Variants in GALNT13 observed in about 807,000 individuals in gnomAD.
GALNT13 encodes polypeptide N-acetylgalactosaminyltransferase 13, also known as UDP-GalNAc:polypeptide N-acetylgalactosaminyltransferase 13.
GALNT13 carries 28 observed loss-of-function variants against 64.2 expected under a neutral mutation model. The ratio of observed to expected loss-of-function variants is 0.44; its 90% CI spans 0.32 to 0.60. The LOEUF (loss-of-function observed/expected upper bound fraction) is 0.60. Among genes scored for constraint, GALNT13 ranks in the 20% least tolerant of loss-of-function variants. The pLI is 0.05. For synonymous variants in GALNT13, 214 were observed against 224.6 expected, an observed-to-expected ratio of 0.95 and a Z score of 0.42; for missense variants, 577 against 669.8, an observed-to-expected ratio of 0.86 and a Z score of 1.53.
chr2:153,274,517 C>A, the GALNT13 span, among the ~76,000 whole-genome samples: 1 of 152,166 alleles, frequency 6.6e-6, no homozygotes, highest in Non-Finnish European at 1.5e-5. Context: ...AGGAATATGG[C>A]TGAAAAGAGT....
intron 3 of GALNT13, among the ~76,000 whole-genome samples, chr2:153,994,686 G>C (rs7587885): frequency 0.71 from 108,275 of 151,996 alleles, 38,890 homozygotes; most frequent in East Asian, 0.96. Flanking sequence ...AGCATTTTTT[G>C]ATGTGTCTGT....
At chr2:153,691,912 A>C in the GALNT13 span, among the ~76,000 whole-genome samples, 1 of 152,146 alleles carries the variant, frequency 6.6e-6, no homozygotes, top group Non-Finnish European at 1.5e-5. Flanking sequence ...ATATTCTTAA[A>C]AAAACATGGA....
At chr2:154,186,009 G>A (rs1325545644) in intron 4 of GALNT13, among the ~76,000 whole-genome samples, 2 of 151,962 alleles carry the variant, frequency 1.3e-5, no homozygotes, top group Non-Finnish European at 2.9e-5. Flanking sequence ...CTAGTTGGTA[G>A]TTTTATGTCA....
intron 3 of GALNT13, among the ~76,000 whole-genome samples, chr2:154,027,107 T>C (rs1698022274): frequency 6.6e-6 from 1 of 152,174 alleles, no homozygotes; most frequent in Non-Finnish European, 1.5e-5. Context: ...ATATGTAGAA[T>C]ATCATATTCT....
At chr2:153,812,501 T>C in the GALNT13 span, among the ~76,000 whole-genome samples, 1 of 152,270 alleles carries the variant, frequency 6.6e-6, no homozygotes. Flanking sequence ...CACTTACTAT[T>C]AAAAATATTT....
chr2:154,403,176 A>G (rs1309106831), intron 10 of GALNT13, among the ~76,000 whole-genome samples: 1 of 152,134 alleles, frequency 6.6e-6, no homozygotes, highest in Non-Finnish European at 1.5e-5. Flanking sequence ...ATTTTAGGCC[A>G]GGCATGGTGG....
chr2:153,325,091 G>A, the GALNT13 span, among the ~76,000 whole-genome samples: 4 of 142,924 alleles, frequency 2.8e-5, no homozygotes, highest in African/African-American at 1.0e-4. Flanking sequence ...GCAGAATTTG[G>A]CTGTGAATCC....
chr2:153,807,432 A>G, the GALNT13 span, among the ~76,000 whole-genome samples: 1 of 151,958 alleles, frequency 6.6e-6, no homozygotes, highest in African/African-American at 2.4e-5. Flanking sequence ...TTGAATGGCC[A>G]TATGATATTT....
chr2:153,077,345 C>G, the GALNT13 span, among the ~76,000 whole-genome samples: 4 of 152,054 alleles, frequency 2.6e-5, no homozygotes, highest in Non-Finnish European at 5.9e-5. Flanking sequence ...AAAGAAAAAT[C>G]TGAGTCACAA....
At chr2:153,181,026 G>GTTTTTTTTTTTTT in the GALNT13 span, among the ~76,000 whole-genome samples, 2 of 24,764 alleles carry the variant, frequency 8.1e-5, no homozygotes, top group Non-Finnish European at 1.6e-4. Context: ...GGTTTTTATT[G>GTTTTTTTTTTTTT]TTTCTTTTTT....
At chr2:153,091,975 A>C in the GALNT13 span, among the ~76,000 whole-genome samples, 1 of 152,158 alleles carries the variant, frequency 6.6e-6, no homozygotes, top group Non-Finnish European at 1.5e-5. Flanking sequence ...TATAGTTAGC[A>C]GTCTTAGATT....
Position 154,132,432 on chromosome 2 carries a change from A to C in GALNT13, c.143-7905A>C, listed in dbSNP as rs111662437. On this transcript the variant is annotated intron_variant, in intron 3 of 12. Coordinates refer to ENST00000392825, the MANE Select transcript of GALNT13 (RefSeq NM_052917.4). Reference sequence around the variant, plus strand: ...AACATGAACATCTCCCACATCATTAAATATTCTTCTATGCATCATTTTAAT... The same window carrying C: ...AACATGAACATCTCCCACATCATTACATATTCTTCTATGCATCATTTTAAT... Among the ~76,000 whole-genome samples the C allele has an allele frequency of 6.9e-3, 1,046 of 152,242 alleles. 2 individuals are homozygous for C. Among genetic ancestry groups the C allele is most frequent in the Non-Finnish European group, 0.01 (692 of 68,016 alleles).
chr2:153,291,512 C>T, the GALNT13 span, among the ~76,000 whole-genome samples: 73 of 152,118 alleles, frequency 4.8e-4, 2 homozygotes, highest in East Asian at 0.013. Flanking sequence ...TTTCCCTTTC[C>T]TTGCTCTGGT....
intron 9 of GALNT13, among the ~76,000 whole-genome samples, chr2:154,362,527 A>G (rs988139920): frequency 4.0e-5 from 6 of 151,810 alleles, no homozygotes; most frequent in African/African-American, 1.5e-4. Context: ...GAGAGGTCCC[A>G]TTCATCCCAG....
the GALNT13 span, among the ~76,000 whole-genome samples, chr2:153,634,259 G>C: frequency 5.9e-5 from 9 of 152,084 alleles, no homozygotes; most frequent in Non-Finnish European, 1.0e-4. Context: ...AACCAAATTA[G>C]AACTCTTACC....
the GALNT13 span, among the ~76,000 whole-genome samples, chr2:153,705,038 C>T: frequency 6.6e-6 from 1 of 152,232 alleles, no homozygotes; most frequent in South Asian, 2.1e-4. Flanking sequence ...TTGCATACCT[C>T]AGCATTCTTT....
the GALNT13 span, among the ~76,000 whole-genome samples, chr2:153,376,418 A>G: frequency 6.6e-6 from 1 of 152,170 alleles, no homozygotes; most frequent in Non-Finnish European, 1.5e-5. Flanking sequence ...TTTATTCTAA[A>G]AACAATGGAA....
the GALNT13 span, among the ~76,000 whole-genome samples, chr2:153,380,349 T>C: frequency 1.1e-4 from 17 of 152,252 alleles, no homozygotes; most frequent in African/African-American, 3.9e-4. Flanking sequence ...TGATGCATGC[T>C]TGTAGTCCCA....
At chr2:154,429,937 C>A (rs1700638885) in intron 11 of GALNT13, among the ~76,000 whole-genome samples, 1 of 152,144 alleles carries the variant, frequency 6.6e-6, no homozygotes, top group Non-Finnish European at 1.5e-5. Context: ...CATCTGTTTG[C>A]AACATGGTGT....
Sources: allele counts gnomAD v4.1 joint callset (sites outside exome capture counted in the v4.1 genomes callset), GRCh38; gene constraint gnomAD v4.1.1; transcripts MANE v1.5; gene names NCBI Gene and HGNC (gene_info 2026-07-23, HGNC 2026-07-21).